Variants in THOC2 observed in about 807,000 individuals in gnomAD.
The protein encoded by THOC2 is THO complex subunit 2.
A neutral mutation model predicts 128.4 loss-of-function variants in THOC2; 10 were observed. That is an observed-to-expected ratio of 0.08 (90% confidence interval 0.05 to 0.13). The LOEUF is 0.13. Ranked by LOEUF, THOC2 falls within the 10% of genes least tolerant of loss-of-function variation. The pLI is 1.00. For synonymous variants in THOC2, 393 were observed against 396.9 expected (o/e 0.99, Z 0.12); for missense variants, 535 against 1,155.7 (o/e 0.46, Z 7.79).
At chrX:123,650,761 T>C (rs963303324) in intron 12 of THOC2, among the ~76,000 whole-genome samples, 7 of 112,186 alleles carry the variant, frequency 6.2e-5, no homozygotes, top group Non-Finnish European at 1.1e-4. Flanking sequence ...GAGCTAACTA[T>C]ACTAAATATA....
At chrX:123,696,233 G>A in intron 6 of THOC2, 79 bp from the exon 7 acceptor site, 1 of 678,066 alleles carries the variant, frequency 1.5e-6, no homozygotes, top group Non-Finnish European at 2.2e-6. Context: ...TATTCTCACT[G>A]AATTTTCTTA....
At chrX:123,632,489 CAAAAAAAA>C (rs11324625) in intron 21 of THOC2, among the ~76,000 whole-genome samples, 4 of 35,163 alleles carry the variant, frequency 1.1e-4, no homozygotes, top group Non-Finnish European at 1.5e-4. Context: ...GGCTTTGTCT[CAAAAAAAA>C]AAAAAAAAAA....
chrX:123,637,974 T>C (rs759618683), intron 18 of THOC2, 69 bp downstream of exon 18: 8 of 761,212 alleles, frequency 1.1e-5, no homozygotes, highest in Admixed American at 6.1e-5. Context: ...TAAGCATCGG[T>C]AATAAAATGC....
intron 1 of THOC2, among the ~76,000 whole-genome samples, chrX:123,731,745 C>CG (rs1026234224): frequency 1.8e-5 from 2 of 109,728 alleles, no homozygotes; most frequent in Non-Finnish European, 3.8e-5. Context: ...TACAGCAGTG[C>CG]GGGGGGTGCG....
intron 4 of THOC2, among the ~76,000 whole-genome samples, chrX:123,700,900 T>C (rs1372266307): frequency 1.8e-5 from 2 of 111,500 alleles, no homozygotes; most frequent in Non-Finnish European, 3.8e-5. Context: ...ATCATCATTA[T>C]TATTAGAGGT....
chrX:123,730,862 T>C (rs1338416172), intron 1 of THOC2, among the ~76,000 whole-genome samples: 2 of 111,727 alleles, frequency 1.8e-5, no homozygotes, highest in Non-Finnish European at 3.8e-5. Context: ...GAGAATCGCT[T>C]GAACGTGGGA....
intron 8 of THOC2, among the ~76,000 whole-genome samples, chrX:123,683,299 A>G (rs2049863762): frequency 9.0e-6 from 1 of 111,048 alleles, no homozygotes; most frequent in African/African-American, 3.3e-5. Context: ...AAGGGGAAAA[A>G]AAAAGAAGCC....
At chrX:123,710,163 G>A (rs1431836372) in intron 2 of THOC2, among the ~76,000 whole-genome samples, 2 of 112,015 alleles carry the variant, frequency 1.8e-5, no homozygotes, top group Non-Finnish European at 3.8e-5. Flanking sequence ...ACAGAGATCA[G>A]CCAAGGAGTA....
In THOC2 at chrX:123,620,506, T is replaced by C. The variant is rs548990379; in HGVS notation, c.4275+401A>G. 45 of 120,711 alleles carry C rather than the reference T, an allele frequency of 3.7e-4. 1 individual carries two copies. In the South Asian group the frequency reaches 0.016, roughly 43 times the overall value. The allele number at this position is 120,711 out of a possible 1,213,427, so 9.9% of individuals were successfully genotyped here. A position where few individuals can be genotyped will look rare whatever the true frequency, so the allele number is the denominator to read the frequency against. ...AAGCTTGAATTCAGAGGTAACTTGT[T>C]TATCTTGTGTCATCCAGGAAGTCTT... On this transcript the variant is annotated intron_variant, in intron 32 of 38. Transcript: ENST00000245838.
At chrX:123,631,139 A>G (rs951394957) in intron 22 of THOC2, among the ~76,000 whole-genome samples, 12 of 111,898 alleles carry the variant, frequency 1.1e-4, no homozygotes, top group Admixed American at 2.9e-4. Flanking sequence ...CACTTAGCAC[A>G]GGGCAGGTCA....
chrX:123,690,387 C>G (rs2050172477), intron 7 of THOC2, among the ~76,000 whole-genome samples: 1 of 111,745 alleles, frequency 8.9e-6, no homozygotes, highest in African/African-American at 3.3e-5. Flanking sequence ...GTCAATGAAG[C>G]CTGAATAAAG....
At chrX:123,647,860 A>G (rs981611276) in intron 12 of THOC2, among the ~76,000 whole-genome samples, 1 of 109,057 alleles carries the variant, frequency 9.2e-6, no homozygotes, top group African/African-American at 3.3e-5. Flanking sequence ...AAAAAAAAAA[A>G]AAGATTTTGA....
intron 8 of THOC2, among the ~76,000 whole-genome samples, chrX:123,683,741 C>T (rs1190245560): frequency 9.1e-6 from 1 of 110,326 alleles, no homozygotes; most frequent in African/African-American, 3.3e-5. Flanking sequence ...GCTGGGATTA[C>T]AGGCATGCGC....
chrX:123,645,316 A>AT lies in THOC2; in HGVS notation c.1428+17dup. The stretch of plus-strand genomic sequence containing the variant: ...AGACAAACATTAGACACATTATTGG[A>AT]TTTTTCTAGTCTCTTACCGTTTTTT... On this transcript the variant is annotated intron_variant, in intron 13 of 38. Transcript: ENST00000245838. 9.0e-7 allele frequency: 1 copy of AT among 1,111,584 alleles called. No individual in the cohort carries two copies. The highest frequency in any genetic ancestry group is 1.2e-6 in the Non-Finnish European group (1 of 823,160). The allele number at this position is 1,111,584 out of a possible 1,213,427, so 91.6% of individuals were successfully genotyped here. A position where few individuals can be genotyped will look rare whatever the true frequency, so the allele number is the denominator to read the frequency against.
chrX:123,667,192 C>T lies in THOC2; in HGVS notation c.1104G>A (p.Met368Ile). 1 of 1,202,315 alleles carries T rather than the reference C, an allele frequency of 8.3e-7. No individual in the cohort carries two copies. Among genetic ancestry groups the T allele is most frequent in the East Asian group, 3.0e-5 (1 of 33,772 alleles). ...TGTGTGAAGCTGCATAGTATGGAGG[C>T]ATCTGATCCATAATGTTCTGTGCAT... ...WQHAQNIMDQ[M>I]PPYYAASHKL... The change falls in exon 11 of 39, where the codon ATG becomes ATA. Residue 368 changes from methionine to isoleucine, a missense_variant. Met to Ile is a conservative substitution (Grantham distance 10, BLOSUM62 1). This residue lies in a region of THOC2 where 197 missense variants were observed against 313.4 expected (regional missense o/e 0.63). Coordinates refer to ENST00000245838, the MANE Select transcript of THOC2 (RefSeq NM_001081550.2).
intron 26 of THOC2, 104 bp downstream of exon 26, chrX:123,624,437 T>C (rs1029210801): frequency 6.6e-6 from 6 of 915,724 alleles, no homozygotes; most frequent in East Asian, 3.1e-5. Flanking sequence ...GTTTTACAAC[T>C]GAATCTTAAA....
rs185251499 is a variant in THOC2, at chrX:123,633,489, G to A, written c.2137-449C>T. 4.4e-3 allele frequency among the ~76,000 whole-genome samples: 494 copies of A among 111,387 alleles called. 3 individuals carry two copies. Among genetic ancestry groups the A allele is most frequent in the African/African-American group, 0.015 (466 of 30,661 alleles). ...GAGATCTTGGCTCACTGCAACCTCC[G>A]CCTCCTGGGTTCAAGCAATTCTCCT... On this transcript the variant is annotated intron_variant, in intron 20 of 38. Transcript: ENST00000245838.
At chrX:123,670,952 G>A (rs1187683522) in intron 9 of THOC2, among the ~76,000 whole-genome samples, 2 of 111,591 alleles carry the variant, frequency 1.8e-5, no homozygotes, top group Non-Finnish European at 3.8e-5. Context: ...GATCTCAAAG[G>A]CAGTGAAGAT....
chrX:123,671,631 C>T, intron 9 of THOC2, 38 bp downstream of exon 9: 2 of 932,604 alleles, frequency 2.1e-6, no homozygotes, highest in Non-Finnish European at 3.0e-6. Flanking sequence ...ACCCTTGGGA[C>T]AGACAATCAA....
Sources: gnomAD v4.1 joint callset for allele counts (sites outside exome capture counted in the v4.1 genomes callset) on GRCh38, gnomAD v4.1.1 for gene constraint, gnomAD v4.1.1 regional missense constraint, MANE v1.5 for transcripts, NCBI Gene and HGNC (gene_info 2026-07-23, HGNC 2026-07-21) for gene names.